TDRD10: variants seen among roughly 807,000 people sequenced by gnomAD.
TDRD10 encodes the protein tudor domain-containing protein 10.
A neutral mutation model predicts 48.0 loss-of-function variants in TDRD10; 40 were observed. The observed-to-expected ratio is 0.83, with a 90% CI of 0.65 to 1.09. The LOEUF (loss-of-function observed/expected upper bound fraction) is 1.09, where lower values mean the gene tolerates loss of function less well. TDRD10 is among the 50% of genes least tolerant of loss of function. The probability of loss-of-function intolerance (pLI) is 0.00; values close to 1 mark genes in which losing one functional copy is unlikely to be tolerated. For synonymous variants in TDRD10, 162 were observed against 170.4 expected, an observed-to-expected ratio of 0.95 and a Z score of 0.38; for missense variants, 378 against 434.7, an observed-to-expected ratio of 0.87 and a Z score of 1.16.
At chr1:154,519,498 G>C (rs1451296624) in intron 4 of TDRD10, among the ~76,000 whole-genome samples, 1 of 152,170 alleles carries the variant, frequency 6.6e-6, no homozygotes, top group East Asian at 1.9e-4. Flanking sequence ...GAGGGGTGCA[G>C]GCAGGAGGTG....
intron 8 of TDRD10, 89 bp downstream of exon 8, chr1:154,542,910 G>A: frequency 1.8e-6 from 2 of 1,107,006 alleles, no homozygotes; most frequent in South Asian, 1.4e-5. Context: ...ATAGTACTGG[G>A]GTGGGGGATA....
chr1:154,506,926 G>T, intron 2 of TDRD10, 21 bp downstream of exon 2: 1 of 1,614,158 alleles, frequency 6.2e-7, no homozygotes, highest in Non-Finnish European at 8.5e-7. Flanking sequence ...TCCTTTTGCT[G>T]ATGAGCAAGC....
intron 1 of TDRD10, among the ~76,000 whole-genome samples, chr1:154,505,964 G>T (rs1380535908): frequency 6.6e-6 from 1 of 152,122 alleles, no homozygotes; most frequent in Non-Finnish European, 1.5e-5. Context: ...AGGGTCTCTG[G>T]GCTGGACTTA....
chr1:154,533,552 G>A (rs542627672), intron 6 of TDRD10, among the ~76,000 whole-genome samples: 2 of 152,108 alleles, frequency 1.3e-5, no homozygotes, highest in South Asian at 2.1e-4. Context: ...TACATGTAAT[G>A]TCCTGGGCTC....
chr1:154,528,923 A>G (rs1326515375), intron 6 of TDRD10, among the ~76,000 whole-genome samples: 1 of 152,226 alleles, frequency 6.6e-6, no homozygotes, highest in East Asian at 1.9e-4. Context: ...TTACATTATT[A>G]CATTATATAC....
chr1:154,543,886 C>T (rs965519049), intron 8 of TDRD10, 77 bp from the exon 9 acceptor site: 4 of 1,577,548 alleles, frequency 2.5e-6, no homozygotes, highest in Admixed American at 3.6e-5. Flanking sequence ...TCCTGCAGGA[C>T]AGGCGTTGGT....
rs1695690430 is a variant in TDRD10 at position 154,547,778 on chromosome 1, T to G, written c.*68T>G. 6.3e-7 allele frequency: 1 copy of G among 1,586,744 alleles called. No homozygotes were observed. The highest frequency in any genetic ancestry group is 1.1e-5 in the South Asian group (1 of 90,396). ...TCCAGAGGCCACCTGCCCTGTCTTC[T>G]CGTACCCCTTTCACTCTTGAGGCCT... On this transcript the variant is annotated 3_prime_UTR_variant, in exon 13 of 13. Coordinates refer to ENST00000368482, the MANE Select transcript of TDRD10 (RefSeq NM_182499.4).
intron 6 of TDRD10, among the ~76,000 whole-genome samples, chr1:154,527,540 T>C (rs6656395): frequency 0.79 from 119,483 of 152,154 alleles, 47,643 homozygotes; most frequent in East Asian, 0.92. Flanking sequence ...TTAGAAGAAA[T>C]GTAGCAGAAT....
intron 6 of TDRD10, 84 bp from the exon 7 acceptor site, chr1:154,541,940 C>T: frequency 1.4e-6 from 2 of 1,393,278 alleles, no homozygotes; most frequent in East Asian, 2.3e-5. Context: ...CTCTGTCTCC[C>T]AGTCTACCTG....
intron 6 of TDRD10, among the ~76,000 whole-genome samples, chr1:154,539,971 A>T (rs1431890581): frequency 6.6e-6 from 1 of 152,068 alleles, no homozygotes; most frequent in Non-Finnish European, 1.5e-5. Context: ...CCAAGGTATG[A>T]GCCTGGTGGG....
At chr1:154,535,378 AAAAAG>A (rs1268024985) in intron 6 of TDRD10, among the ~76,000 whole-genome samples, 3 of 149,766 alleles carry the variant, frequency 2.0e-5, no homozygotes, top group African/African-American at 2.5e-5. Flanking sequence ...AGAAAAAAAA[AAAAAG>A]AGAGAGAGAA....
chr1:154,545,445 C>T (rs1300611466), intron 11 of TDRD10, among the ~76,000 whole-genome samples: 2 of 152,160 alleles, frequency 1.3e-5, no homozygotes, highest in African/African-American at 4.8e-5. Context: ...GAAGAGGCCC[C>T]TTCTCAAGAT....
chr1:154,532,073 C>T (rs551749105), intron 6 of TDRD10, among the ~76,000 whole-genome samples: 217 of 152,304 alleles, frequency 1.4e-3, no homozygotes, highest in African/African-American at 4.7e-3. Flanking sequence ...GCCTGCCAGG[C>T]GGGTGCTGTG....
chr1:154,507,006 C>CT (rs1557811692), intron 2 of TDRD10, 101 bp downstream of exon 2: 3 of 1,607,998 alleles, frequency 1.9e-6, no homozygotes, highest in Non-Finnish European at 2.5e-6. Flanking sequence ...AAGAGTCACC[C>CT]CTGGCATCTC....
intron 6 of TDRD10, among the ~76,000 whole-genome samples, chr1:154,526,260 G>T (rs960363976): frequency 4.1e-5 from 6 of 147,840 alleles, no homozygotes; most frequent in African/African-American, 1.5e-4. Flanking sequence ...ATCTAGCCAG[G>T]CCTACAGGCA....
intron 4 of TDRD10, among the ~76,000 whole-genome samples, chr1:154,511,805 GC>G (rs1251616669): frequency 4.6e-5 from 7 of 151,970 alleles, no homozygotes; most frequent in African/African-American, 1.7e-4. Flanking sequence ...CCGAGATTGC[GC>G]CATTGGACTC....
chr1:154,533,353 G>T lies in TDRD10; in HGVS notation c.370-8671G>T, dbSNP rs201931900. Among the ~76,000 whole-genome samples, 74 of 134,432 alleles carry T rather than the reference G, an allele frequency of 5.5e-4. 1 individual carries two copies. Among genetic ancestry groups the T allele is most frequent in the Middle Eastern group, 4.0e-3 (1 of 252 alleles). The allele number at this position is 134,432 out of a possible 152,430, so 88.2% of individuals were successfully genotyped here. A position where few individuals can be genotyped will look rare whatever the true frequency, so the allele number is the denominator to read the frequency against. ...GCTAGAAAGAGCAGGCTTTTGTTGG[G>T]TTTTTTTTTTTTTTTTTTCTGGACC... On this transcript the variant is annotated intron_variant, in intron 6 of 12. Coordinates refer to ENST00000368482, the MANE Select transcript of TDRD10 (RefSeq NM_182499.4).
Position 154,544,821 on chromosome 1 carries a change from C to A in TDRD10, c.824C>A (p.Thr275Asn). ...TGTTGGGTGCTGGACAGGGTGGACACCTGGGCTGTGGTCATGTTCATTGAT... is the reference window on the plus strand; with the variant it reads ...TGTTGGGTGCTGGACAGGGTGGACAACTGGGCTGTGGTCATGTTCATTGAT... ...NRCWVLDRVD[T>N]WAVVMFIDFG... Residue 275 changes from threonine (T) to asparagine (N), a missense_variant, in exon 11 of 13, where the codon ACC becomes AAC. Transcript: ENST00000368482. 3.1e-6 allele frequency: 5 copies of A among 1,614,166 alleles called. No individual in the cohort carries two copies. Among genetic ancestry groups the A allele is most frequent in the Non-Finnish European group, 4.2e-6 (5 of 1,180,038 alleles).
At chr1:154,517,803 G>C (rs1693856504) in intron 4 of TDRD10, among the ~76,000 whole-genome samples, 1 of 152,142 alleles carries the variant, frequency 6.6e-6, no homozygotes, top group Non-Finnish European at 1.5e-5. Flanking sequence ...TCCTCAAGCA[G>C]AGCTTCAGTG....
Sources: gnomAD v4.1 joint callset for allele counts (sites outside exome capture counted in the v4.1 genomes callset) on GRCh38, gnomAD v4.1.1 for gene constraint, MANE v1.5 for transcripts, NCBI Gene and HGNC (gene_info 2026-07-23, HGNC 2026-07-21) for gene names.